DOCK3: variants seen among roughly 807,000 people sequenced by gnomAD.
DOCK3 encodes the protein dedicator of cytokinesis protein 3.
In DOCK3, 60 loss-of-function variants were observed where a neutral mutation model predicts 265.6. That is an observed-to-expected ratio of 0.23 (90% CI 0.18 to 0.28). DOCK3 has a LOEUF of 0.28. Among genes scored for constraint, DOCK3 ranks in the 10% least tolerant of loss-of-function variants. The pLI is 1.00. For missense variants in DOCK3, 1,981 were observed against 2,594.3 expected, an observed-to-expected ratio of 0.76 and a Z score of 5.14; for synonymous variants, 881 against 938.0, an observed-to-expected ratio of 0.94 and a Z score of 1.11.
chr3:51,281,955 T>A (rs953551875), intron 27 of DOCK3, among the ~76,000 whole-genome samples: 20 of 152,196 alleles, frequency 1.3e-4, no homozygotes, highest in Non-Finnish European at 2.6e-4. Flanking sequence ...GTTTACTTTC[T>A]GCGGAAAGGG....
intron 3 of DOCK3, 23 bp downstream of exon 3, chr3:50,841,738 C>CTTTTTTTTTTCTTTTTTTTTTT: frequency 3.7e-6 from 2 of 536,468 alleles, no homozygotes; most frequent in South Asian, 4.5e-5. Context: ...TTATTGTTAC[C>CTTTTTTTTTTCTTTTTTTTTTT]TTTTCTAATG....
intron 24 of DOCK3, 148 bp from the exon 25 acceptor site, chr3:51,274,931 C>T (rs1480017961): frequency 4.7e-6 from 4 of 857,120 alleles, no homozygotes; most frequent in African/African-American, 3.4e-5. Context: ...GCTTTCAGGC[C>T]CTTGTAAGGT....
intron 1 of DOCK3, among the ~76,000 whole-genome samples, chr3:50,741,737 G>A (rs1367998885): frequency 1.6e-4 from 24 of 151,788 alleles, no homozygotes; most frequent in African/African-American, 4.6e-4. Context: ...ATAAACATAC[G>A]TGTGCGTGTG....
At chr3:50,741,446 C>A (rs1181957561) in intron 1 of DOCK3, among the ~76,000 whole-genome samples, 1 of 124,552 alleles carries the variant, frequency 8.0e-6, no homozygotes, top group East Asian at 2.5e-4. Flanking sequence ...CACAACAGTC[C>A]GCAGAGTGTG....
intron 14 of DOCK3, 67 bp from the exon 15 acceptor site, chr3:51,225,582 G>A (rs2090294899): frequency 6.4e-7 from 1 of 1,555,404 alleles, no homozygotes; most frequent in Non-Finnish European, 8.7e-7. Flanking sequence ...TGCTAGCCTA[G>A]TTCTCTGTGA....
At chr3:51,068,424 C>T (rs1422688336) in intron 6 of DOCK3, among the ~76,000 whole-genome samples, 1 of 151,194 alleles carries the variant, frequency 6.6e-6, no homozygotes, top group Non-Finnish European at 1.5e-5. Context: ...CCTGTAGTCC[C>T]AGCTACTCGG....
intron 12 of DOCK3, among the ~76,000 whole-genome samples, chr3:51,186,225 CTG>C (rs921968153): frequency 1.3e-5 from 2 of 152,180 alleles, no homozygotes; most frequent in African/African-American, 4.8e-5. Flanking sequence ...TTGTTGGTAA[CTG>C]GAGCAAAGAT....
intron 5 of DOCK3, among the ~76,000 whole-genome samples, chr3:51,035,721 A>G (rs1054490334): frequency 6.6e-6 from 1 of 152,110 alleles, no homozygotes; most frequent in African/African-American, 2.4e-5. Flanking sequence ...TTTTTGTTGT[A>G]TAGTTGGTTA....
At chr3:51,265,337 C>T (rs907508069) in intron 23 of DOCK3, among the ~76,000 whole-genome samples, 3 of 152,166 alleles carry the variant, frequency 2.0e-5, no homozygotes, top group African/African-American at 7.2e-5. Flanking sequence ...GGGACTCCTC[C>T]CGAACTCATT....
At chr3:50,807,956 G>T (rs960456982) in intron 2 of DOCK3, among the ~76,000 whole-genome samples, 1 of 152,152 alleles carries the variant, frequency 6.6e-6, no homozygotes, top group African/African-American at 2.4e-5. Context: ...TCGCCATGTT[G>T]CCCAGGCTGG....
intron 9 of DOCK3, among the ~76,000 whole-genome samples, chr3:51,123,893 G>GC (rs1266163742): frequency 6.6e-6 from 1 of 152,218 alleles, no homozygotes; most frequent in East Asian, 1.9e-4. Flanking sequence ...AGCCTTGCAA[G>GC]CAGACCCTTC....
chr3:50,973,045 G>GTTTATTTTTTTTTTTT (rs1240169729), intron 5 of DOCK3, among the ~76,000 whole-genome samples: 1 of 3,946 alleles, frequency 2.5e-4, no homozygotes, highest in African/African-American at 9.9e-4. Context: ...CATTCAGTGT[G>GTTTATTTTTTTTTTTT]TTTCTTTTTT....
At chr3:50,751,142 A>G (rs902187333) in intron 1 of DOCK3, among the ~76,000 whole-genome samples, 1 of 152,232 alleles carries the variant, frequency 6.6e-6, no homozygotes, top group African/African-American at 2.4e-5. Context: ...GTGGGTATCT[A>G]AAGTAGTATT....
chr3:51,019,161 T>A (rs1575789223), intron 5 of DOCK3, among the ~76,000 whole-genome samples: 1 of 152,068 alleles, frequency 6.6e-6, no homozygotes, highest in African/African-American at 2.4e-5. Context: ...TTACCCTTTA[T>A]ACCTAGCGCT....
chr3:51,233,727 G>A (rs1308014897), intron 19 of DOCK3, among the ~76,000 whole-genome samples: 1 of 152,154 alleles, frequency 6.6e-6, no homozygotes, highest in Non-Finnish European at 1.5e-5. Context: ...TTGGTTAGAT[G>A]TATTCCTAGG....
chr3:51,348,904 G>T lies in DOCK3; in HGVS notation c.3968G>T (p.Ser1323Ile), dbSNP rs1257844414. 6.3e-7 allele frequency: 1 copy of T among 1,583,648 alleles called. No individual in the cohort carries two copies. Among genetic ancestry groups the T allele is most frequent in the Non-Finnish European group, 8.6e-7 (1 of 1,164,718 alleles). Reference sequence around the variant, plus strand: ...AGGGAGCTGGCGTGTCAGTACGAGAGCCTCTATGATTACCAGAGCCTCAGC... The same window carrying T: ...AGGGAGCTGGCGTGTCAGTACGAGATCCTCTATGATTACCAGAGCCTCAGC... ...LCRELACQYE[S>I]LYDYQSLSWI... Residue 1323 changes from serine (S) to isoleucine (I), a missense_variant, in exon 39 of 53, where the codon AGC (serine) becomes ATC (isoleucine). Coordinates refer to ENST00000266037, the MANE Select transcript of DOCK3 (RefSeq NM_004947.5).
chr3:51,276,356 T>G (rs2080818657), intron 25 of DOCK3: 1 of 984,872 alleles, frequency 1.0e-6, no homozygotes, highest in Non-Finnish European at 1.2e-6. Context: ...TAGCCCAAGG[T>G]TGTATTGAGG....
intron 5 of DOCK3, among the ~76,000 whole-genome samples, chr3:50,970,765 T>C (rs1352947915): frequency 6.8e-6 from 1 of 146,416 alleles, no homozygotes; most frequent in East Asian, 2.0e-4. Context: ...ATCACTCTCT[T>C]GCCCAGACTG....
At chr3:50,811,146 G>T (rs2043730678) in intron 2 of DOCK3, among the ~76,000 whole-genome samples, 1 of 152,072 alleles carries the variant, frequency 6.6e-6, no homozygotes, top group South Asian at 2.1e-4. Flanking sequence ...GTAATCCTCA[G>T]TGGAGGCTGA....
Sources: allele counts gnomAD v4.1 joint callset (sites outside exome capture counted in the v4.1 genomes callset), GRCh38; gene constraint gnomAD v4.1.1; transcripts MANE v1.5; gene names NCBI Gene and HGNC (gene_info 2026-07-23, HGNC 2026-07-21).